Variants in GYS2 observed in about 807,000 individuals in gnomAD.
GYS2 encodes the protein glycogen [starch] synthase, liver.
Under a neutral mutation model 85.6 loss-of-function variants are expected in GYS2, and 80 were observed. The ratio of observed to expected loss-of-function variants is 0.93; its 90% confidence interval spans 0.78 to 1.13. GYS2 has a LOEUF of 1.13. Ranked by LOEUF, GYS2 falls within the 50% of genes most tolerant of loss-of-function variation. The pLI, the probability that GYS2 is intolerant of heterozygous loss-of-function variation, is 0.00. For missense variants in GYS2, 881 were observed against 854.9 expected (o/e 1.03, Z -0.38); for synonymous variants, 328 against 300.7 (o/e 1.09, Z -0.94).
intron 11 of GYS2, among the ~76,000 whole-genome samples, chr12:21,547,387 G>C (rs1368548013): frequency 5.3e-5 from 8 of 152,084 alleles, no homozygotes; most frequent in African/African-American, 1.9e-4. Context: ...TTCAGTAGGT[G>C]AATGAATACA....
chr12:21,593,551 A>C (rs1458405144), intron 1 of GYS2, among the ~76,000 whole-genome samples: 1 of 151,994 alleles, frequency 6.6e-6, no homozygotes, highest in Non-Finnish European at 1.5e-5. Flanking sequence ...CATACCACCT[A>C]CCAAGATTGA....
At chr12:21,594,028 A>C (rs1469679099) in intron 1 of GYS2, among the ~76,000 whole-genome samples, 1 of 152,178 alleles carries the variant, frequency 6.6e-6, no homozygotes. Context: ...GATACAGAAA[A>C]AGTATTTGAT....
intron 2 of GYS2, among the ~76,000 whole-genome samples, chr12:21,576,883 A>G (rs1263732697): frequency 1.3e-5 from 2 of 152,174 alleles, no homozygotes; most frequent in African/African-American, 2.4e-5. Flanking sequence ...ATACAACCTC[A>G]TAAACCACTT....
intron 1 of GYS2, among the ~76,000 whole-genome samples, chr12:21,596,764 A>G (rs1944701441): frequency 6.6e-6 from 1 of 152,186 alleles, no homozygotes; most frequent in African/African-American, 2.4e-5. Context: ...ATCAGACAAA[A>G]CAAAGAAATA....
Position 21,559,160 on chromosome 12 carries a change from A to G in GYS2, c.1239T>C (p.Ile413=). The change falls in exon 10 of 16, where the codon ATT becomes ATC. Residue 413 remains isoleucine, a synonymous_variant. Transcript: ENST00000261195. ...GATCTAAAATATCGTTCAGGTCAGG[A>G]ATTTCTCCTCTGCAGGGAAAAAATG... ...KLYDALLRGE[I]PDLNDILDRD... is the part of the protein sequence containing the mutation. 6.2e-7 allele frequency: 1 copy of G among 1,602,400 alleles called. No individual in the cohort carries two copies. The highest frequency in any genetic ancestry group is 8.5e-7 in the Non-Finnish European group (1 of 1,170,228).
At chr12:21,572,990 G>A (rs904137074) in intron 4 of GYS2, among the ~76,000 whole-genome samples, 1 of 151,990 alleles carries the variant, frequency 6.6e-6, no homozygotes, top group Non-Finnish European at 1.5e-5. Context: ...ACTATATACC[G>A]CTAAGAACCT....
intron 15 of GYS2, among the ~76,000 whole-genome samples, chr12:21,537,940 C>T (rs1457228097): frequency 2.0e-5 from 3 of 152,138 alleles, no homozygotes; most frequent in African/African-American, 7.2e-5. Context: ...ATTTCAATTA[C>T]TTTATACATT....
At chr12:21,576,835 T>C (rs1944452593) in intron 2 of GYS2, among the ~76,000 whole-genome samples, 1 of 152,230 alleles carries the variant, frequency 6.6e-6, no homozygotes, top group South Asian at 2.1e-4. Flanking sequence ...TTCTTTTGTC[T>C]TAATTTTCAT....
intron 8 of GYS2, 23 bp from the exon 9 acceptor site, chr12:21,559,733 T>C (rs760980968): frequency 6.9e-7 from 1 of 1,456,196 alleles, no homozygotes; most frequent in Non-Finnish European, 9.7e-7. Context: ...GAAAGATTTA[T>C]CATTTAAACA....
rs370887018 is a variant in GYS2 at position 21,559,147 on chromosome 12, C to T, written c.1252G>A (p.Asp418Asn). The T allele has an allele frequency of 5.6e-6, 9 of 1,607,388 alleles. No individual in the cohort carries two copies. Among genetic ancestry groups the T allele is most frequent in the East Asian group, 2.2e-5 (1 of 44,622 alleles). Residue 418 changes from aspartate (D) to asparagine (N), a missense_variant, in exon 10 of 16, where the codon GAT (aspartate) becomes AAT (asparagine). Coordinates refer to ENST00000261195, the MANE Select transcript of GYS2 (RefSeq NM_021957.4). ...LLRGEIPDLN[D>N]ILDRDDLTIM... ...GTTAGATCATCTCGATCTAAAATAT[C>T]GTTCAGGTCAGGAATTTCTCCTCTG...
At chr12:21,568,820 C>T in intron 5 of GYS2, 45 bp downstream of exon 5, 1 of 1,552,416 alleles carries the variant, frequency 6.4e-7, no homozygotes, top group Non-Finnish European at 8.9e-7. Flanking sequence ...CATAGTGTAA[C>T]ATCATTCGGA....
At chr12:21,584,121 G>A (rs952545475) in intron 1 of GYS2, among the ~76,000 whole-genome samples, 2 of 152,192 alleles carry the variant, frequency 1.3e-5, no homozygotes, top group Admixed American at 6.5e-5. Flanking sequence ...GAAGGACAAC[G>A]GTGAAGGGAA....
intron 1 of GYS2, among the ~76,000 whole-genome samples, chr12:21,596,519 T>C (rs1490513307): frequency 2.0e-5 from 3 of 152,114 alleles, no homozygotes; most frequent in Non-Finnish European, 4.4e-5. Context: ...TCTCAATAGA[T>C]GCAGAAAAAG....
chr12:21,602,854 A>G (rs1236524548), intron 1 of GYS2, among the ~76,000 whole-genome samples: 1 of 152,044 alleles, frequency 6.6e-6, no homozygotes, highest in Non-Finnish European at 1.5e-5. Flanking sequence ...TTGTTAAATG[A>G]TGAGAAAAGA....
At chr12:21,577,578 C>T (rs1048842086) in intron 2 of GYS2, among the ~76,000 whole-genome samples, 10 of 152,190 alleles carry the variant, frequency 6.6e-5, no homozygotes, top group African/African-American at 2.4e-4. Context: ...AGGCATTGTT[C>T]TATCACATTT....
rs1347343282 is a variant in GYS2, at chr12:21,547,112, G to T, written c.1423-642C>A. Reference sequence around the variant, plus strand: ...CTTTAAAAATGTCAGTCATTCCCTTGCTCAAAGTTGTTCAGTGGCTTCCCA... The same window carrying T: ...CTTTAAAAATGTCAGTCATTCCCTTTCTCAAAGTTGTTCAGTGGCTTCCCA... On this transcript the variant is annotated intron_variant, in intron 11 of 15. Transcript: ENST00000261195. 6.6e-5 allele frequency among the ~76,000 whole-genome samples: 10 copies of T among 152,232 alleles called. No homozygotes were observed. In the East Asian group the frequency reaches 1.9e-3, roughly 29 times the overall value.
chr12:21,598,909 C>G (rs989868243), intron 1 of GYS2, among the ~76,000 whole-genome samples: 3 of 152,024 alleles, frequency 2.0e-5, no homozygotes, highest in African/African-American at 7.2e-5. Flanking sequence ...CAACTTTCAC[C>G]TGAAAGAAAA....
At chr12:21,537,311 C>G (rs1943921606) in intron 15 of GYS2, 136 bp from the exon 16 acceptor site, 1 of 701,510 alleles carries the variant, frequency 1.4e-6, no homozygotes, top group African/African-American at 1.8e-5. Flanking sequence ...AACTTTGATT[C>G]ATTTTGATTT....
chr12:21,585,870 G>A (rs1944567001), intron 1 of GYS2, among the ~76,000 whole-genome samples: 1 of 152,166 alleles, frequency 6.6e-6, no homozygotes, highest in Non-Finnish European at 1.5e-5. Flanking sequence ...CATTTGCAAT[G>A]GGGATTGGTG....
Sources: gnomAD v4.1 joint callset for allele counts (sites outside exome capture counted in the v4.1 genomes callset) on GRCh38, gnomAD v4.1.1 for gene constraint, MANE v1.5 for transcripts, NCBI Gene and HGNC (gene_info 2026-07-23, HGNC 2026-07-21) for gene names.